Variants in DCDC2C observed in about 807,000 individuals in gnomAD.
DCDC2C encodes the protein doublecortin domain containing 2C.
Under a neutral mutation model 45.0 loss-of-function variants are expected in DCDC2C, and 44 were observed. The observed-to-expected ratio is 0.98, with a 90% confidence interval of 0.77 to 1.26. The LOEUF (loss-of-function observed/expected upper bound fraction) is 1.26, where lower values mean the gene tolerates loss of function less well. Ranked by LOEUF, DCDC2C falls within the 50% of genes most tolerant of loss-of-function variation. The pLI is 0.00. For synonymous variants in DCDC2C, 187 were observed against 178.8 expected, an observed-to-expected ratio of 1.05 and a Z score of -0.37; for missense variants, 447 against 468.9, an observed-to-expected ratio of 0.95 and a Z score of 0.43.
At position 3,797,016 on chromosome 2, in the gene DCDC2C, G is replaced by A. The variant is rs192760819; in HGVS notation, c.1065+11916G>A. Among the ~76,000 whole-genome samples the A allele has an allele frequency of 7.7e-3, 1,177 of 152,228 alleles. 14 individuals carry two copies. The highest frequency in any genetic ancestry group is 0.027 in the African/African-American group (1,130 of 41,556). On this transcript the variant is annotated intron_variant, in intron 10 of 10. Coordinates refer to ENST00000399143, the MANE Select transcript of DCDC2C (RefSeq NM_001287444.2). The stretch of plus-strand genomic sequence containing the variant: ...TCTGGTCCTGGACTCTTTTTGGTTG[G>A]TAAGCTATTGATTATTGCCACAATT...
chr2:3,804,322 T>C (rs1222545859), intron 10 of DCDC2C, among the ~76,000 whole-genome samples: 1 of 152,250 alleles, frequency 6.6e-6, no homozygotes, highest in African/African-American at 2.4e-5. Context: ...TATTTTCCTT[T>C]GTTCTTCCTT....
chr2:3,802,925 A>G (rs1244224795), intron 10 of DCDC2C, among the ~76,000 whole-genome samples: 1 of 152,212 alleles, frequency 6.6e-6, no homozygotes, highest in Non-Finnish European at 1.5e-5. Flanking sequence ...CTCACCAGTC[A>G]GCAGAGGCAT....
chr2:3,746,001 CT>C (rs991753471), intron 4 of DCDC2C, among the ~76,000 whole-genome samples: 1 of 152,042 alleles, frequency 6.6e-6, no homozygotes, highest in African/African-American at 2.4e-5. Context: ...ATCCAAATAG[CT>C]CAGAGAAATA....
intron 2 of DCDC2C, among the ~76,000 whole-genome samples, chr2:3,718,175 A>G (rs1668397450): frequency 6.6e-6 from 1 of 152,224 alleles, no homozygotes; most frequent in Non-Finnish European, 1.5e-5. Context: ...TAGGTCTTGA[A>G]TAAATGAATG....
At position 3,704,107 on chromosome 2, in the gene DCDC2C, G is replaced by C. The variant is rs931508010; in HGVS notation, c.287+69G>C. 8.2e-4 allele frequency: 986 copies of C among 1,198,446 alleles called. 1 individual carries two copies. The highest frequency in any genetic ancestry group is 9.5e-4 in the Non-Finnish European group (911 of 957,752). The allele number at this position is 1,198,446 out of a possible 1,614,324, so 74.2% of individuals were successfully genotyped here. On this transcript the variant is annotated intron_variant, in intron 1 of 10. Transcript: ENST00000399143. ...CCCTCTTGGGTCTGAGCGTGGTCAG[G>C]GCCGTGCCCCCCAGGTGTCCTCCCC...
rs11691299 is a variant in DCDC2C at position 3,778,816 on chromosome 2, A to C, written c.955A>C (p.Arg319=). Residue 319 remains arginine, a splice_region_variant and synonymous_variant, in exon 9 of 11, where the codon AGA becomes CGA. Coordinates refer to ENST00000399143, the MANE Select transcript of DCDC2C (RefSeq NM_001287444.2). ...AAAATGTGGTGTATTTTCTCCCCAG[A>C]GACAAGCTGAGATAGTTAAAGAAGA... ...NVQLEVPVDQ[R]QAEIVKEDEE... The C allele has an allele frequency of 8.0e-3, 12,338 of 1,550,902 alleles. 841 individuals are homozygous for C. In the African/African-American group the frequency reaches 0.14, roughly 18 times the overall value.
chr2:3,731,387 A>C (rs1668863139), intron 3 of DCDC2C, among the ~76,000 whole-genome samples: 2 of 152,202 alleles, frequency 1.3e-5, no homozygotes, highest in Non-Finnish European at 1.5e-5. Flanking sequence ...ACGTGACAGG[A>C]GCCCATCCAC....
At chr2:3,802,583 G>A (rs899952588) in intron 10 of DCDC2C, among the ~76,000 whole-genome samples, 1 of 152,184 alleles carries the variant, frequency 6.6e-6, no homozygotes, top group African/African-American at 2.4e-5. Context: ...GGCTCGGTCT[G>A]AGGAGGGCTT....
chr2:3,786,789 A>AGGTGTTTAG (rs1404688066), intron 10 of DCDC2C, among the ~76,000 whole-genome samples: 6 of 152,260 alleles, frequency 3.9e-5, no homozygotes, highest in Non-Finnish European at 5.9e-5. Context: ...TAGCTTTTCC[A>AGGTGTTTAG]CTAACTTGCT....
intron 10 of DCDC2C, among the ~76,000 whole-genome samples, chr2:3,826,255 C>G (rs12052433): frequency 6.6e-6 from 1 of 152,056 alleles, no homozygotes; most frequent in Non-Finnish European, 1.5e-5. Flanking sequence ...TTAAAAACCC[C>G]ATAATAATAT....
intron 10 of DCDC2C, among the ~76,000 whole-genome samples, chr2:3,815,214 A>G (rs1311064092): frequency 6.6e-6 from 1 of 152,204 alleles, no homozygotes; most frequent in Non-Finnish European, 1.5e-5. Flanking sequence ...AGTTCCATGG[A>G]AAAAGCACGG....
At chr2:3,836,055 T>A (rs1259186052) in intron 10 of DCDC2C, among the ~76,000 whole-genome samples, 13 of 152,192 alleles carry the variant, frequency 8.5e-5, no homozygotes, top group African/African-American at 4.8e-5. Flanking sequence ...AAATCATTGA[T>A]TTTTAGTATT....
At chr2:3,790,131 C>G (rs973035731) in intron 10 of DCDC2C, among the ~76,000 whole-genome samples, 1 of 152,150 alleles carries the variant, frequency 6.6e-6, no homozygotes, top group African/African-American at 2.4e-5. Flanking sequence ...AGGAGGCTCT[C>G]GTGCTTCAGG....
rs530832057 is a variant in DCDC2C at position 3,811,869 on chromosome 2, C to T, written c.1065+26769C>T. ...GTTTTTATATTTGGTTCTGTTTATG[C>T]GATGGATTATGTTTATCCATTTGTG... On this transcript the variant is annotated intron_variant, in intron 10 of 10. Transcript: ENST00000399143. Among the ~76,000 whole-genome samples the T allele has an allele frequency of 9.2e-5, 14 of 152,206 alleles. No homozygotes were observed. The South Asian group carries it at 1.7e-3, about 18-fold the overall frequency.
intron 4 of DCDC2C, among the ~76,000 whole-genome samples, chr2:3,745,726 A>G (rs1368757296): frequency 6.6e-6 from 1 of 151,950 alleles, no homozygotes; most frequent in Non-Finnish European, 1.5e-5. Context: ...AAACGAAGAC[A>G]GTTCTTTTTT....
At chr2:3,803,800 A>G (rs1671168712) in intron 10 of DCDC2C, among the ~76,000 whole-genome samples, 1 of 152,136 alleles carries the variant, frequency 6.6e-6, no homozygotes. Flanking sequence ...CAAGTGCACC[A>G]CGTCCTCCCT....
At chr2:3,771,517 C>G (rs1015921735) in intron 8 of DCDC2C, among the ~76,000 whole-genome samples, 6 of 152,174 alleles carry the variant, frequency 3.9e-5, no homozygotes, top group Non-Finnish European at 8.8e-5. Flanking sequence ...CAGAGAAGTC[C>G]TAGAGTTAAA....
In DCDC2C at chr2:3,813,057, ATATATATATAT is replaced by A. The variant is rs1175317480; in HGVS notation, c.1065+27959_1065+27969del. On this transcript the variant is annotated intron_variant, in intron 10 of 10. Transcript: ENST00000399143. ...GAAGAACGTATATATATATATATATATATATATATATTTTTTTTTTTTTGCTGTTTTTGAGA... is the reference window on the plus strand; with the variant it reads ...GAAGAACGTATATATATATATATATATTTTTTTTTTTTGCTGTTTTTGAGA... 5.5e-4 allele frequency among the ~76,000 whole-genome samples: 55 copies of A among 100,198 alleles called. 2 individuals are homozygous for A. Among genetic ancestry groups the A allele is most frequent in the African/African-American group, 1.8e-3 (36 of 19,874 alleles). 65.7% of individuals were successfully genotyped at this position (100,198 alleles called of 152,430 possible).
At chr2:3,840,892 C>T (rs548683273) in intron 10 of DCDC2C, among the ~76,000 whole-genome samples, 2 of 152,300 alleles carry the variant, frequency 1.3e-5, no homozygotes, top group South Asian at 4.1e-4. Flanking sequence ...ACCAAGCTTC[C>T]CACTGACAGG....
Sources: gnomAD v4.1 joint callset for allele counts (sites outside exome capture counted in the v4.1 genomes callset) on GRCh38, gnomAD v4.1.1 for gene constraint, MANE v1.5 for transcripts, NCBI Gene and HGNC (gene_info 2026-07-23, HGNC 2026-07-21) for gene names.